The following PWWP2B variants were observed in gnomAD, a reference collection of about 807,000 sequenced individuals.
PWWP2B encodes PWWP domain containing 2B.
A neutral mutation model predicts 15.5 loss-of-function variants in PWWP2B; 9 were observed. The observed-to-expected ratio is 0.58, with a 90% confidence interval of 0.35 to 1.02. The LOEUF is 1.02. Ranked by LOEUF, PWWP2B falls within the 50% of genes least tolerant of loss-of-function variation. The pLI is 0.02. For synonymous variants in PWWP2B, 474 were observed against 403.6 expected (o/e 1.17, Z -2.09); for missense variants, 864 against 865.3 (o/e 1.00, Z 0.02).
At chr10:132,399,857 C>T (rs912291548) in intron 1 of PWWP2B, among the ~76,000 whole-genome samples, 4 of 152,158 alleles carry the variant, frequency 2.6e-5, no homozygotes, top group African/African-American at 7.2e-5. Context: ...GCTCCGAGTG[C>T]GGAAGGGCTG....
Position 132,397,241 on chromosome 10 carries a change from C to G in PWWP2B, c.15C>G (p.Ala5=). MEPR[A]GCRLPVRVEQ... ...GCGGCGGGAGCATGGAGCCGCGCGCCGGCTGCCGGCTGCCGGTGCGGGTGG... is the reference window on the plus strand; with the variant it reads ...GCGGCGGGAGCATGGAGCCGCGCGCGGGCTGCCGGCTGCCGGTGCGGGTGG... The change falls in exon 1 of 3, where the codon GCC becomes GCG. Residue 5 remains alanine, a synonymous_variant. Coordinates refer to ENST00000305233, the MANE Select transcript of PWWP2B (RefSeq NM_138499.4). 1 of 1,244,916 alleles carries G rather than the reference C, an allele frequency of 8.0e-7. No individual in the cohort carries two copies. The highest frequency in any genetic ancestry group is 1.0e-6 in the Non-Finnish European group (1 of 986,290). 77.1% of individuals were successfully genotyped at this position (1,244,916 alleles called of 1,614,324 possible).
Position 132,405,067 on chromosome 10 carries a change from GGCCAGCCCCGGACCCCCA to G in PWWP2B, c.571_588del (p.Ser191_Ala196del). On this transcript the variant is annotated inframe_deletion, in exon 2 of 3. Coordinates refer to ENST00000305233, the MANE Select transcript of PWWP2B (RefSeq NM_138499.4). ...GCAAGAGCACGCTGAGCCCCCCGGAGGCCAGCCCCGGACCCCCAGCCGCGCCCAGGGCCCGCAGGAGGC... is the reference window on the plus strand; with the variant it reads ...GCAAGAGCACGCTGAGCCCCCCGGAGGCCGCGCCCAGGGCCCGCAGGAGGC... The G allele has an allele frequency of 6.6e-7, 1 of 1,520,048 alleles. No individual in the cohort carries two copies. Among genetic ancestry groups the G allele is most frequent in the Non-Finnish European group, 8.8e-7 (1 of 1,136,668 alleles). 94.2% of individuals were successfully genotyped at this position (1,520,048 alleles called of 1,614,324 possible). A position where few individuals can be genotyped will look rare whatever the true frequency, so the allele number is the denominator to read the frequency against.
At chr10:132,397,848 G>A (rs529176838) in intron 1 of PWWP2B, among the ~76,000 whole-genome samples, 12 of 152,336 alleles carry the variant, frequency 7.9e-5, no homozygotes, top group Non-Finnish European at 1.3e-4. Flanking sequence ...GCCCAGCTGT[G>A]CGATTTAAGA....
intron 2 of PWWP2B, among the ~76,000 whole-genome samples, chr10:132,416,815 G>A (rs2069863489): frequency 6.6e-6 from 1 of 152,128 alleles, no homozygotes; most frequent in African/African-American, 2.4e-5. Flanking sequence ...TGTAGGGCCT[G>A]TGGACTGCGG....
At chr10:132,407,985 A>C (rs2069723051) in intron 2 of PWWP2B, among the ~76,000 whole-genome samples, 1 of 152,228 alleles carries the variant, frequency 6.6e-6, no homozygotes, top group Non-Finnish European at 1.5e-5. Flanking sequence ...CTTGGCTGGC[A>C]GGGAGTGCCC....
intron 2 of PWWP2B, among the ~76,000 whole-genome samples, chr10:132,413,427 C>T (rs1323425245): frequency 2.6e-5 from 4 of 152,172 alleles, no homozygotes; most frequent in Admixed American, 6.5e-5. Context: ...CGCCTGAGCT[C>T]GCCCTGCCCG....
chr10:132,397,315 G>A lies in PWWP2B; in HGVS notation c.89G>A (p.Arg30Gln), dbSNP rs762722757. The A allele has an allele frequency of 2.8e-6, 4 of 1,432,178 alleles. No individual in the cohort carries two copies. The highest frequency in any genetic ancestry group is 2.9e-5 in the East Asian group (1 of 34,984). The allele number at this position is 1,432,178 out of a possible 1,614,324, so 88.7% of individuals were successfully genotyped here. ...ALVVTVSCGE[R>Q]SFAGILLDCT... ...GTGGTCACGGTGAGCTGCGGCGAGC[G>A]GAGCTTCGCGGGGATCCTGCTGGAC... The change falls in exon 1 of 3, where the codon CGG becomes CAG. Residue 30 changes from arginine (R) to glutamine (Q), a missense_variant. Arg to Gln is a conservative substitution (Grantham distance 43). Transcript: ENST00000305233.
chr10:132,406,349 G>T, intron 2 of PWWP2B, 60 bp downstream of exon 2: 1 of 1,388,214 alleles, frequency 7.2e-7, no homozygotes, highest in Non-Finnish European at 9.8e-7. Context: ...CCTGTGTCCA[G>T]GCCATGCCTC....
At chr10:132,408,885 C>G (rs2069739238) in intron 2 of PWWP2B, among the ~76,000 whole-genome samples, 1 of 152,142 alleles carries the variant, frequency 6.6e-6, no homozygotes, top group Admixed American at 6.5e-5. Flanking sequence ...GCCGGCAGTG[C>G]CAAGAGGCAG....
intron 1 of PWWP2B, among the ~76,000 whole-genome samples, chr10:132,401,410 G>A (rs1208307386): frequency 1.4e-5 from 2 of 147,588 alleles, no homozygotes; most frequent in Non-Finnish European, 3.1e-5. Flanking sequence ...CCCCCATGGG[G>A]CCCCCACATG....
chr10:132,397,577 G>GGGGCGGGCGCCGGGCCT (rs2069554382), intron 1 of PWWP2B, among the ~76,000 whole-genome samples: 1 of 151,198 alleles, frequency 6.6e-6, no homozygotes. Context: ...GCGCCGGGCC[G>GGGGCGGGCGCCGGGCCT]GGGCGGGCCG....
intron 2 of PWWP2B, among the ~76,000 whole-genome samples, chr10:132,416,020 C>T (rs940584284): frequency 1.3e-5 from 2 of 152,246 alleles, no homozygotes; most frequent in African/African-American, 2.4e-5. Context: ...CCCCGCGTGC[C>T]GCTGGGCTTC....
chr10:132,412,568 C>G (rs999298190), intron 2 of PWWP2B, among the ~76,000 whole-genome samples: 7 of 152,226 alleles, frequency 4.6e-5, no homozygotes, highest in African/African-American at 1.7e-4. Context: ...AATCCGTTCC[C>G]GATCAAGTTC....
chr10:132,411,793 G>A (rs559115948), intron 2 of PWWP2B, among the ~76,000 whole-genome samples: 4 of 152,338 alleles, frequency 2.6e-5, no homozygotes, highest in African/African-American at 7.2e-5. Context: ...TCCAGGCTTC[G>A]GCTTTTCTGA....
At position 132,417,452 on chromosome 10, in the gene PWWP2B, G is replaced by A. The variant is rs984915404; in HGVS notation, c.*408G>A. ...GCCTGGCGCCCCGGCCTCGCCCAGC[G>A]GCTGGTGTGGGCAGCTGTTCCCTGC... On this transcript the variant is annotated 3_prime_UTR_variant, in exon 3 of 3. Coordinates refer to ENST00000305233, the MANE Select transcript of PWWP2B (RefSeq NM_138499.4). 6.6e-5 allele frequency: 20 copies of A among 304,236 alleles called. No homozygotes were observed. Among genetic ancestry groups the A allele is most frequent in the Non-Finnish European group, 1.1e-4 (18 of 161,530 alleles). 18.8% of individuals were successfully genotyped at this position (304,236 alleles called of 1,614,324 possible). A position where few individuals can be genotyped will look rare whatever the true frequency, so the allele number is the denominator to read the frequency against.
Position 132,417,150 on chromosome 10 carries a change from G to A in PWWP2B, c.*106G>A. The A allele has an allele frequency of 6.4e-7, 1 of 1,561,620 alleles. No homozygotes were observed. The highest frequency in any genetic ancestry group is 8.8e-7 in the Non-Finnish European group (1 of 1,133,262). ...AGCCTTCTGGCCGGCTGCGTGCAGA[G>A]CCCACTGGGCACGGTGGTCGGCCTG... is the stretch of plus-strand genomic sequence containing the variant. On this transcript the variant is annotated 3_prime_UTR_variant, in exon 3 of 3. Transcript: ENST00000305233.
At chr10:132,400,059 G>A (rs1333233122) in intron 1 of PWWP2B, among the ~76,000 whole-genome samples, 1 of 152,202 alleles carries the variant, frequency 6.6e-6, no homozygotes, top group Non-Finnish European at 1.5e-5. Context: ...CCGGCAGAAG[G>A]GCACCCTGAG....
chr10:132,415,223 CCCACTCACACTCACACACAT>C (rs944263960), intron 2 of PWWP2B, among the ~76,000 whole-genome samples: 1 of 151,596 alleles, frequency 6.6e-6, no homozygotes, highest in Non-Finnish European at 1.5e-5. Context: ...CACACACACA[CCCACTCACACTCACACACAT>C]CCACTCACAC....
At chr10:132,398,271 G>A (rs987941891) in intron 1 of PWWP2B, among the ~76,000 whole-genome samples, 68 of 152,346 alleles carry the variant, frequency 4.5e-4, no homozygotes, top group African/African-American at 1.6e-3. Context: ...TTTCGCAGAC[G>A]TTATCTCTTC....
Sources: allele counts gnomAD v4.1 joint callset (sites outside exome capture counted in the v4.1 genomes callset), GRCh38; gene constraint gnomAD v4.1.1; transcripts MANE v1.5; gene names NCBI Gene and HGNC (gene_info 2026-07-23, HGNC 2026-07-21).